POC1A: variants seen among roughly 807,000 people sequenced by gnomAD.
POC1A encodes the protein POC1 centriolar protein homolog A.
POC1A carries 34 observed loss-of-function variants against 47.8 expected under a neutral mutation model. That is an observed-to-expected ratio of 0.71 (90% CI 0.54 to 0.95). The LOEUF (loss-of-function observed/expected upper bound fraction) is 0.95. POC1A is among the 40% of genes least tolerant of loss of function. The pLI is 0.00. For missense variants in POC1A, 466 were observed against 528.3 expected (o/e 0.88, Z 1.16); for synonymous variants, 177 against 207.6 (o/e 0.85, Z 1.27).
At chr3:52,121,936 G>GA (rs928122511) in intron 9 of POC1A, among the ~76,000 whole-genome samples, 4 of 151,034 alleles carry the variant, frequency 2.6e-5, no homozygotes, top group East Asian at 3.9e-4. Flanking sequence ...TCCATGGTTA[G>GA]AAAAAAAAAG....
Position 52,154,345 on chromosome 3 carries a change from C to T in POC1A, c.18+10G>A, listed in dbSNP as rs114209632. 0.079 allele frequency: 122,451 copies of T among 1,555,276 alleles called. 5,376 individuals are homozygous for T. The highest frequency in any genetic ancestry group is 0.14 in the African/African-American group (10,265 of 70,842). On this transcript the variant is annotated intron_variant, in intron 1 of 10. Transcript: ENST00000296484. ...CTGAGGCCTGGGGAGTTGCTCTCGG[C>T]TGGGCTTACCGCGCAGGGCGCAGCC...
intron 6 of POC1A, among the ~76,000 whole-genome samples, chr3:52,143,450 C>T (rs1266420653): frequency 6.6e-6 from 1 of 152,186 alleles, no homozygotes; most frequent in African/African-American, 2.4e-5. Context: ...CACTCTCCTT[C>T]ACTCCCCAGC....
At chr3:52,129,479 C>G (rs754699678) in intron 7 of POC1A, among the ~76,000 whole-genome samples, 12 of 152,174 alleles carry the variant, frequency 7.9e-5, no homozygotes, top group Non-Finnish European at 1.8e-4. Flanking sequence ...TCCATCCTCT[C>G]CAAAGGCAAG....
chr3:52,144,108 T>C (rs1001283752), intron 6 of POC1A, among the ~76,000 whole-genome samples: 3 of 152,320 alleles, frequency 2.0e-5, no homozygotes, highest in South Asian at 2.1e-4. Context: ...GGAAGGCCTA[T>C]TGCCACCCCC....
At chr3:52,076,214 C>T (rs564246093) in intron 10 of POC1A, among the ~76,000 whole-genome samples, 1 of 152,258 alleles carries the variant, frequency 6.6e-6, no homozygotes, top group Admixed American at 6.5e-5. Context: ...TGTTTGTGGG[C>T]AGGGGGTGGG....
intron 9 of POC1A, among the ~76,000 whole-genome samples, chr3:52,103,895 C>T (rs572674713): frequency 3.3e-5 from 5 of 152,050 alleles, no homozygotes; most frequent in East Asian, 3.8e-4. Flanking sequence ...ACTGCTGGCA[C>T]GAACGTAAGA....
chr3:52,123,438 C>T (rs1408736793), intron 8 of POC1A, among the ~76,000 whole-genome samples: 1 of 148,912 alleles, frequency 6.7e-6, no homozygotes, highest in Non-Finnish European at 1.5e-5. Context: ...GAAAAACCAC[C>T]GTATCCACAC....
chr3:52,112,255 G>A (rs181619761), intron 9 of POC1A, among the ~76,000 whole-genome samples: 1 of 152,332 alleles, frequency 6.6e-6, no homozygotes, highest in East Asian at 1.9e-4. Flanking sequence ...CTGGGCTCAT[G>A]CAATTCTCCC....
chr3:52,091,958 G>A (rs1257330745), intron 10 of POC1A, among the ~76,000 whole-genome samples: 2 of 152,228 alleles, frequency 1.3e-5, no homozygotes, highest in Admixed American at 6.5e-5. Flanking sequence ...TGGTGGAGGT[G>A]TGCCCAGGCT....
At chr3:52,083,884 C>A (rs1239045530) in intron 10 of POC1A, among the ~76,000 whole-genome samples, 1 of 152,246 alleles carries the variant, frequency 6.6e-6, no homozygotes, top group Non-Finnish European at 1.5e-5. Flanking sequence ...GCAGCAGGTG[C>A]AAAGGCCCTG....
intron 6 of POC1A, among the ~76,000 whole-genome samples, chr3:52,141,585 A>G (rs1698195824): frequency 6.6e-6 from 1 of 152,192 alleles, no homozygotes; most frequent in African/African-American, 2.4e-5. Flanking sequence ...GGACAGTGGG[A>G]GAGTAGGTTG....
rs541930800 is a variant in POC1A, at chr3:52,089,779, T to C, written c.1125+6790A>G. Among the ~76,000 whole-genome samples the C allele has an allele frequency of 2.6e-5, 4 of 152,156 alleles. 1 individual carries two copies. Among genetic ancestry groups the C allele is most frequent in the African/African-American group, 9.6e-5 (4 of 41,496 alleles). Reference sequence around the variant, plus strand: ...CATGGAAAACTGTATAACTATAAAATTGGGGGTCTATTTCCATAAGCAACA... The same window carrying C: ...CATGGAAAACTGTATAACTATAAAACTGGGGGTCTATTTCCATAAGCAACA... On this transcript the variant is annotated intron_variant, in intron 10 of 10. Transcript: ENST00000296484.
intron 10 of POC1A, among the ~76,000 whole-genome samples, chr3:52,092,462 G>T (rs76387814): frequency 0.029 from 4,469 of 152,278 alleles, 226 homozygotes; most frequent in African/African-American, 0.1. Context: ...TGGACCCCGA[G>T]GCTGGTCCAG....
At chr3:52,122,627 C>T (rs1703827059) in intron 8 of POC1A, 150 bp from the exon 9 acceptor site, 1 of 635,552 alleles carries the variant, frequency 1.6e-6, no homozygotes, top group East Asian at 2.7e-5. Context: ...ATTCCGGGAC[C>T]TACCCCACCT....
At chr3:52,136,914 C>G (rs748510370) in intron 7 of POC1A, among the ~76,000 whole-genome samples, 18 of 152,210 alleles carry the variant, frequency 1.2e-4, no homozygotes, top group Non-Finnish European at 2.1e-4. Flanking sequence ...GCATCTGTTT[C>G]AAACTGTTTC....
chr3:52,122,585 G>C lies in POC1A; in HGVS notation c.883-108C>G, dbSNP rs1703824118. The C allele has an allele frequency of 1.0e-4, 75 of 729,460 alleles. No individual in the cohort carries two copies. In the South Asian group the frequency reaches 1.2e-3, roughly 12 times the overall value. The allele number at this position is 729,460 out of a possible 1,614,324, so 45.2% of individuals were successfully genotyped here. On this transcript the variant is annotated intron_variant, in intron 8 of 10. Coordinates refer to ENST00000296484, the MANE Select transcript of POC1A (RefSeq NM_015426.5). ...ATGCCCAAAGTTCTGAGCCATGGTGGGATAGTGGTCCCCACCTGACACCCC... is the reference window on the plus strand; with the variant it reads ...ATGCCCAAAGTTCTGAGCCATGGTGCGATAGTGGTCCCCACCTGACACCCC...
At chr3:52,133,098 G>C (rs981920266) in intron 7 of POC1A, among the ~76,000 whole-genome samples, 2 of 152,134 alleles carry the variant, frequency 1.3e-5, no homozygotes, top group African/African-American at 4.8e-5. Context: ...AGTGTTGGGA[G>C]GTGTGGCCTT....
chr3:52,136,522 T>G (rs1326367863), intron 7 of POC1A, among the ~76,000 whole-genome samples: 1 of 152,164 alleles, frequency 6.6e-6, no homozygotes, highest in Non-Finnish European at 1.5e-5. Flanking sequence ...GAGCCGATGA[T>G]GAATGAACAA....
intron 7 of POC1A, among the ~76,000 whole-genome samples, chr3:52,130,345 C>T (rs59196507): frequency 0.034 from 5,178 of 152,288 alleles, 323 homozygotes; most frequent in African/African-American, 0.12. Context: ...ACAATCCAAC[C>T]CACTGGGATG....
Sources: gnomAD v4.1 joint callset for allele counts (sites outside exome capture counted in the v4.1 genomes callset) on GRCh38, gnomAD v4.1.1 for gene constraint, MANE v1.5 for transcripts, NCBI Gene and HGNC (gene_info 2026-07-23, HGNC 2026-07-21) for gene names.